The following STK3 variants were observed in gnomAD, a reference collection of about 807,000 sequenced individuals.
STK3 encodes the protein serine/threonine-protein kinase 3.
A neutral mutation model predicts 58.0 loss-of-function variants in STK3; 41 were observed. The observed-to-expected ratio is 0.71, with a 90% confidence interval of 0.55 to 0.92. The LOEUF (loss-of-function observed/expected upper bound fraction) is 0.92, where lower values mean the gene tolerates loss of function less well. Ranked by LOEUF, STK3 falls within the 40% of genes least tolerant of loss-of-function variation. The probability of loss-of-function intolerance (pLI) is 0.00; values close to 1 mark genes in which losing one functional copy is unlikely to be tolerated. For missense variants in STK3, 479 were observed against 602.7 expected, an observed-to-expected ratio of 0.79 and a Z score of 2.15; for synonymous variants, 170 against 191.0, an observed-to-expected ratio of 0.89 and a Z score of 0.91.
chr8:98,716,181 A>T (rs1370722178), intron 4 of STK3, among the ~76,000 whole-genome samples: 1 of 152,246 alleles, frequency 6.6e-6, no homozygotes, highest in East Asian at 1.9e-4. Context: ...TATACTTGAC[A>T]TTAAATGATG....
At chr8:98,726,020 C>T (rs754226731) in intron 4 of STK3, among the ~76,000 whole-genome samples, 1 of 152,214 alleles carries the variant, frequency 6.6e-6, no homozygotes, top group Non-Finnish European at 1.5e-5. Flanking sequence ...CACTAAACCA[C>T]ATCACTCCAA....
chr8:98,887,320 G>A (rs919149109), intron 1 of STK3, among the ~76,000 whole-genome samples: 1 of 152,052 alleles, frequency 6.6e-6, no homozygotes, highest in Non-Finnish European at 1.5e-5. Context: ...AATCATTTTG[G>A]AGTTCAGATT....
At chr8:98,692,176 G>C (rs1322228526) in intron 6 of STK3, among the ~76,000 whole-genome samples, 1 of 152,106 alleles carries the variant, frequency 6.6e-6, no homozygotes, top group Non-Finnish European at 1.5e-5. Context: ...TACATTGGTG[G>C]TAGGAATGTA....
At chr8:98,429,875 C>T (rs947286091) in intron 3 of STK3, 5 of 169,580 alleles carry the variant, frequency 2.9e-5, no homozygotes, top group African/African-American at 1.2e-4. Flanking sequence ...ATTTTGCTCA[C>T]AGTCATGTGA....
intron 6 of STK3, among the ~76,000 whole-genome samples, chr8:98,612,729 T>C (rs1302238042): frequency 6.6e-6 from 1 of 152,130 alleles, no homozygotes; most frequent in Non-Finnish European, 1.5e-5. Flanking sequence ...TTTCACTCTA[T>C]GTCAGCCAAA....
At chr8:98,365,089 T>C in the STK3 span, among the ~76,000 whole-genome samples, 1 of 152,202 alleles carries the variant, frequency 6.6e-6, no homozygotes, top group African/African-American at 2.4e-5. Context: ...TACACCACTG[T>C]GAATAGTCTT....
chr8:98,807,108 C>G (rs185633975), intron 1 of STK3, among the ~76,000 whole-genome samples: 173 of 141,084 alleles, frequency 1.2e-3, no homozygotes, highest in Non-Finnish European at 1.8e-3. Flanking sequence ...GAGCCAAGAT[C>G]GTGCCACTGC....
chr8:98,624,732 T>A (rs779940297), intron 6 of STK3, among the ~76,000 whole-genome samples: 13 of 151,898 alleles, frequency 8.6e-5, no homozygotes, highest in Non-Finnish European at 2.9e-5. Context: ...CAGATACCTG[T>A]AATCCCAGCT....
chr8:98,344,847 C>G, the STK3 span, among the ~76,000 whole-genome samples: 12 of 143,528 alleles, frequency 8.4e-5, no homozygotes, highest in African/African-American at 3.1e-4. Context: ...GAGCCGAGAT[C>G]CCGCCACTGC....
intron 3 of STK3, among the ~76,000 whole-genome samples, chr8:98,762,431 T>G (rs1830681722): frequency 6.6e-6 from 1 of 152,154 alleles, no homozygotes; most frequent in Admixed American, 6.5e-5. Context: ...AATTTTTGTA[T>G]TTTTAGTAGA....
At chr8:98,501,891 T>G (rs1266717951) in intron 10 of STK3, among the ~76,000 whole-genome samples, 10 of 152,102 alleles carry the variant, frequency 6.6e-5, no homozygotes, top group Non-Finnish European at 1.2e-4. Flanking sequence ...TATGCAGGCT[T>G]TTTTTTGGTT....
chr8:98,824,055 T>C (rs1414541194), intron 1 of STK3, among the ~76,000 whole-genome samples: 5 of 152,242 alleles, frequency 3.3e-5, no homozygotes, highest in Non-Finnish European at 7.3e-5. Flanking sequence ...ATAGGGTTGC[T>C]GTGAGGATTA....
At chr8:98,827,613 A>G (rs919425354), upstream of STK3, among the ~76,000 whole-genome samples, 1 of 152,142 alleles carries the variant, frequency 6.6e-6, no homozygotes, top group Non-Finnish European at 1.5e-5. Context: ...TTTTAAGACC[A>G]TTCATTTTTG....
intron 1 of STK3, 129 bp downstream of exon 1, chr8:98,825,386 C>T: frequency 2.4e-6 from 2 of 835,936 alleles, no homozygotes; most frequent in East Asian, 4.3e-5. Context: ...ACCCGCCTCC[C>T]GACCTCAGCG....
chr8:98,840,628 T>TATATATATATATAC (rs1477381215), intron 3 of STK3, among the ~76,000 whole-genome samples: 2 of 114,472 alleles, frequency 1.7e-5, no homozygotes, highest in Non-Finnish European at 3.6e-5. Flanking sequence ...TATATATATA[T>TATATATATATATAC]ACACACACAT....
intron 4 of STK3, among the ~76,000 whole-genome samples, chr8:98,718,642 C>A (rs1386829075): frequency 6.6e-6 from 1 of 151,944 alleles, no homozygotes; most frequent in East Asian, 1.9e-4. Context: ...AGAATGCAAG[C>A]TATTTTGTTA....
intron 10 of STK3, among the ~76,000 whole-genome samples, chr8:98,500,621 G>A (rs1033773506): frequency 6.6e-6 from 1 of 151,880 alleles, no homozygotes; most frequent in Non-Finnish European, 1.5e-5. Flanking sequence ...ACTGCTTTTG[G>A]TGCTTTAGTC....
chr8:98,562,737 G>GAA (rs778049177), intron 8 of STK3, among the ~76,000 whole-genome samples: 274 of 17,386 alleles, frequency 0.016, 56 homozygotes, highest in Admixed American at 0.026. Context: ...CACAAAAAAT[G>GAA]AAAAAAAAAA....
intron 3 of STK3, among the ~76,000 whole-genome samples, chr8:98,405,810 G>A (rs1396384482): frequency 2.0e-5 from 3 of 152,186 alleles, no homozygotes. Context: ...GGCAAACAGA[G>A]ACAGCTTGTG....
Sources: allele counts gnomAD v4.1 joint callset (sites outside exome capture counted in the v4.1 genomes callset), GRCh38; gene constraint gnomAD v4.1.1; transcripts MANE v1.5; gene names NCBI Gene and HGNC (gene_info 2026-07-23, HGNC 2026-07-21).